Variants in CUL4A observed in about 807,000 individuals in gnomAD.
The protein encoded by CUL4A is cullin-4A.
A neutral mutation model predicts 95.5 loss-of-function variants in CUL4A; 16 were observed. That is an observed-to-expected ratio of 0.17 (90% CI 0.11 to 0.25). CUL4A has a LOEUF of 0.25. Among genes scored for constraint, CUL4A ranks in the 10% least tolerant of loss-of-function variants. The pLI is 1.00. For synonymous variants in CUL4A, 380 were observed against 353.1 expected (o/e 1.08, Z -0.85); for missense variants, 610 against 937.0 (o/e 0.65, Z 4.56).
At chr13:113,249,046 A>G (rs2041925867) in intron 15 of CUL4A, among the ~76,000 whole-genome samples, 1 of 152,010 alleles carries the variant, frequency 6.6e-6, no homozygotes, top group Non-Finnish European at 1.5e-5. Flanking sequence ...TTCCATTAGC[A>G]GCTCCTCCCC....
intron 3 of CUL4A, among the ~76,000 whole-genome samples, chr13:113,223,234 AC>A (rs1290105541): frequency 6.6e-6 from 1 of 152,102 alleles, no homozygotes; most frequent in Non-Finnish European, 1.5e-5. Context: ...GAGAGTTCTG[AC>A]CCAGCCCAGT....
chr13:113,233,773 G>T, intron 6 of CUL4A, 124 bp from the exon 7 acceptor site: 2 of 696,418 alleles, frequency 2.9e-6, no homozygotes, highest in East Asian at 2.6e-5. Context: ...GGCCGGCTGG[G>T]TGGCCACAGG....
chr13:113,235,000 A>C, intron 7 of CUL4A, 63 bp from the exon 8 acceptor site: 1 of 1,226,554 alleles, frequency 8.2e-7, no homozygotes, highest in South Asian at 1.3e-5. Context: ...ACAAAATCTC[A>C]ATTTCTTGGA....
At chr13:113,232,428 C>T (rs1595383474) in intron 5 of CUL4A, among the ~76,000 whole-genome samples, 2 of 152,198 alleles carry the variant, frequency 1.3e-5, no homozygotes, top group South Asian at 2.1e-4. Flanking sequence ...CTATTACTGC[C>T]ACCACCAGCA....
rs546953520 is a variant in CUL4A at position 113,243,371 on chromosome 13, A to T, written c.1228+211A>T. The stretch of plus-strand genomic sequence containing the variant: ...TGCATGGGTGGAGGAGGGCATTTCC[A>T]TAAGGGAAGATGAGGTAAGAATTTA... On this transcript the variant is annotated intron_variant, in intron 11 of 19. Coordinates refer to ENST00000375440, the MANE Select transcript of CUL4A (RefSeq NM_001008895.4). Among the ~76,000 whole-genome samples, 24 of 152,308 alleles carry T rather than the reference A, an allele frequency of 1.6e-4. No homozygotes were observed. In the South Asian group the frequency reaches 5.0e-3, roughly 32 times the overall value.
intron 5 of CUL4A, chr13:113,229,744 G>A (rs369145323): frequency 5.4e-5 from 29 of 535,220 alleles, no homozygotes; most frequent in East Asian, 2.2e-4. Flanking sequence ...TCGGACAGGC[G>A]GCTGACTTTG....
chr13:113,244,876 G>A, intron 12 of CUL4A, 73 bp from the exon 13 acceptor site: 1 of 958,070 alleles, frequency 1.0e-6, no homozygotes, highest in Non-Finnish European at 1.7e-6. Flanking sequence ...GTTTTCAGCA[G>A]TTGAAGTTTG....
At chr13:113,229,547 G>GT (rs750860283) in intron 5 of CUL4A, 28 bp downstream of exon 5, 1 of 1,578,808 alleles carries the variant, frequency 6.3e-7, no homozygotes, top group Admixed American at 1.7e-5. Flanking sequence ...GCAGAGCTGC[G>GT]TCTTCCCTGC....
Position 113,233,168 on chromosome 13 carries a change from T to C in CUL4A, c.513-9T>C, listed in dbSNP as rs767973115. 2 of 1,611,942 alleles carry C rather than the reference T, an allele frequency of 1.2e-6. No individual in the cohort carries two copies. Among genetic ancestry groups the C allele is most frequent in the Non-Finnish European group, 8.5e-7 (1 of 1,178,860 alleles). ...TAAAATGTAGTCCTGTTTCTTACTG[T>C]CTATACAGGGATATGGGATTAGAAC... On this transcript the variant is annotated splice_polypyrimidine_tract_variant and intron_variant, in intron 5 of 19. Transcript: ENST00000375440.
At chr13:113,237,398 A>C (rs1038271034) in intron 9 of CUL4A, among the ~76,000 whole-genome samples, 3 of 152,188 alleles carry the variant, frequency 2.0e-5, no homozygotes, top group Admixed American at 1.3e-4. Flanking sequence ...AGAGAAGAGC[A>C]TGTGTTCTAG....
intron 15 of CUL4A, among the ~76,000 whole-genome samples, chr13:113,247,260 T>C (rs1366456858): frequency 1.3e-5 from 2 of 152,022 alleles, no homozygotes; most frequent in East Asian, 1.9e-4. Context: ...CACCGTGAGA[T>C]TTAGAGGGGA....
At chr13:113,234,815 A>T (rs2139196310) in intron 7 of CUL4A, among the ~76,000 whole-genome samples, 1 of 152,314 alleles carries the variant, frequency 6.6e-6, no homozygotes, top group African/African-American at 2.4e-5. Flanking sequence ...GGTGGTGCAC[A>T]GGGACGAAAG....
At chr13:113,239,840 A>C (rs2041655171) in intron 10 of CUL4A, among the ~76,000 whole-genome samples, 2 of 152,262 alleles carry the variant, frequency 1.3e-5, no homozygotes, top group South Asian at 4.1e-4. Flanking sequence ...TATTGGTTTA[A>C]TTCTAAATCA....
Position 113,228,019 on chromosome 13 carries a change from T to G in CUL4A, c.412T>G (p.Cys138Gly). Residue 138 changes from cysteine to glycine, a missense_variant, in exon 4 of 20, where the codon TGC becomes GGC. Coordinates refer to ENST00000375440, the MANE Select transcript of CUL4A (RefSeq NM_001008895.4). Reference protein sequence around the residue: ...SVLFLKKINTCWQDHCRQMIM... With the variant: ...SVLFLKKINTGWQDHCRQMIM... ...TTTATTTTTAAAGAAGATTAACACG[T>G]GCTGGCAGGACCACTGCAGACAAAT... 6.2e-7 allele frequency: 1 copy of G among 1,613,798 alleles called. No individual in the cohort carries two copies. The highest frequency in any genetic ancestry group is 8.5e-7 in the Non-Finnish European group (1 of 1,179,668).
intron 5 of CUL4A, 105 bp downstream of exon 5, chr13:113,229,624 G>C: frequency 1.1e-6 from 1 of 949,758 alleles, no homozygotes; most frequent in Admixed American, 2.3e-5. Flanking sequence ...GTGATTACTT[G>C]TGCCTTCCTT....
Position 113,245,136 on chromosome 13 carries a change from C to T in CUL4A, c.1445-16C>T. 6.2e-7 allele frequency: 1 copy of T among 1,613,984 alleles called. No individual in the cohort carries two copies. Among genetic ancestry groups the T allele is most frequent in the Non-Finnish European group, 8.5e-7 (1 of 1,179,838 alleles). ...GTGTGTTACCCCGATCTCACTCCCT[C>T]CTTTGCTGTGTCCAGAGTGCGGTGC... is the stretch of plus-strand genomic sequence containing the variant. On this transcript the variant is annotated splice_polypyrimidine_tract_variant and intron_variant, in intron 13 of 19. Coordinates refer to ENST00000375440, the MANE Select transcript of CUL4A (RefSeq NM_001008895.4).
upstream of CUL4A, chr13:113,208,259 G>C (rs1019025130): frequency 6.9e-7 from 1 of 1,447,154 alleles, no homozygotes; most frequent in Non-Finnish European, 9.1e-7. Context: ...CGGGCCCTCG[G>C]CGTGGCCCGC....
rs1254260574 is a variant in CUL4A, at chr13:113,245,972, G to C, written c.1547G>C (p.Ser516Thr). The change falls in exon 15 of 20, where the codon AGT becomes ACT. Residue 516 changes from serine to threonine, a missense_variant. This residue lies in a region of CUL4A where 44 missense variants were observed against 75.6 expected (regional missense o/e 0.58). Coordinates refer to ENST00000375440, the MANE Select transcript of CUL4A (RefSeq NM_001008895.4). ...VHFKQHMQNQ[S>T]DSGPIDLTVN... ...CTGTTTTAGCATATGCAGAATCAGAGTGACTCAGGCCCTATAGACCTCACA... is the reference window on the plus strand; with the variant it reads ...CTGTTTTAGCATATGCAGAATCAGACTGACTCAGGCCCTATAGACCTCACA... The C allele has an allele frequency of 3.7e-6, 6 of 1,613,324 alleles. 1 individual carries two copies. The South Asian group carries it at 6.6e-5, about 18-fold the overall frequency.
intron 15 of CUL4A, among the ~76,000 whole-genome samples, chr13:113,249,198 A>G (rs912498133): frequency 4.6e-5 from 7 of 152,142 alleles, no homozygotes; most frequent in Non-Finnish European, 1.0e-4. Flanking sequence ...GCTGTTTTCA[A>G]AGTCCATCCG....
Sources: allele counts gnomAD v4.1 joint callset (sites outside exome capture counted in the v4.1 genomes callset), GRCh38; gene constraint gnomAD v4.1.1; regional missense constraint gnomAD v4.1.1; transcripts MANE v1.5; gene names NCBI Gene and HGNC (gene_info 2026-07-23, HGNC 2026-07-21).